C11orf65: variants seen among roughly 807,000 people sequenced by gnomAD.
C11orf65 encodes the protein protein MFI.
Under a neutral mutation model 35.3 loss-of-function variants are expected in C11orf65, and 38 were observed. The ratio of observed to expected loss-of-function variants is 1.08; its 90% CI spans 0.83 to 1.41. The LOEUF (loss-of-function observed/expected upper bound fraction) is 1.41, where lower values mean the gene tolerates loss of function less well. Among genes scored for constraint, C11orf65 ranks in the 40% most tolerant of loss-of-function variants. The pLI is 0.00. For synonymous variants in C11orf65, 105 were observed against 114.4 expected (o/e 0.92, Z 0.53); for missense variants, 370 against 367.1 (o/e 1.01, Z -0.06).
Position 108,382,905 on chromosome 11 carries a change from G to T in C11orf65, c.*116C>A. On this transcript the variant is annotated 3_prime_UTR_variant, in exon 9 of 9. Coordinates refer to ENST00000393084, the MANE Select transcript of C11orf65 (RefSeq NM_152587.5). ...CAATCTTCCTTACTTAACTGAGCTA[G>T]ATTCTGTGCCCAGAATATATACACA... The T allele has an allele frequency of 6.4e-7, 1 of 1,551,362 alleles. No individual in the cohort carries two copies.
At chr11:108,464,080 C>A (rs937404017) in intron 1 of C11orf65, among the ~76,000 whole-genome samples, 1 of 151,670 alleles carries the variant, frequency 6.6e-6, no homozygotes, top group Non-Finnish European at 1.5e-5. Flanking sequence ...GTGTGTGCCA[C>A]CACGCCTGGC....
chr11:108,399,244 G>A lies in C11orf65; in HGVS notation c.561-5866C>T, dbSNP rs1217371846. 3.3e-5 allele frequency among the ~76,000 whole-genome samples: 5 copies of A among 152,068 alleles called. No homozygotes were observed. In the East Asian group the frequency reaches 7.7e-4, roughly 23 times the overall value. ...AGCCCTTTGGAGGGCATTCACATAG[G>A]ACAAAAATATATTTTGTATCCATTA... On this transcript the variant is annotated intron_variant, in intron 6 of 8. Transcript: ENST00000393084.
At position 108,365,324 on chromosome 11, in the gene C11orf65, G is replaced by C. The variant is rs730881386; in HGVS notation, c.226+27884C>G. On this transcript the variant is annotated intron_variant, in intron 2 of 3. Coordinates refer to the C11orf65 transcript ENST00000524755. ...TGAAACCTTTGTGTTTTTGTCCTTA[G>C]TGATATTGACCAGAGTTTCAACAAA... The C allele has an allele frequency of 1.9e-6, 3 of 1,614,048 alleles. No individual in the cohort carries two copies. The highest frequency in any genetic ancestry group is 8.5e-7 in the Non-Finnish European group (1 of 1,180,022).
At chr11:108,336,171 C>G in intron 2 of C11orf65, 1 of 482,776 alleles carries the variant, frequency 2.1e-6, no homozygotes. Flanking sequence ...GAGATGATGG[C>G]ATGTGCTTGT....
At chr11:108,381,346 G>T (rs2091861559), downstream of C11orf65, among the ~76,000 whole-genome samples, 1 of 152,078 alleles carries the variant, frequency 6.6e-6, no homozygotes, top group Non-Finnish European at 1.5e-5. Flanking sequence ...ATCCAGTGAG[G>T]GAATGGTTCC....
At chr11:108,335,651 T>G (rs1279288505) in intron 2 of C11orf65, among the ~76,000 whole-genome samples, 1 of 152,166 alleles carries the variant, frequency 6.6e-6, no homozygotes, top group Non-Finnish European at 1.5e-5. Flanking sequence ...GAGGGGAAAC[T>G]TTCTAAATCA....
intron 2 of C11orf65, among the ~76,000 whole-genome samples, chr11:108,371,820 A>G (rs2091583739): frequency 6.6e-6 from 1 of 152,198 alleles, no homozygotes; most frequent in Non-Finnish European, 1.5e-5. Context: ...GTTTTTCCAC[A>G]GTGGCCGAAC....
At chr11:108,404,470 C>T (rs977350215) in intron 6 of C11orf65, among the ~76,000 whole-genome samples, 2 of 152,170 alleles carry the variant, frequency 1.3e-5, no homozygotes, top group Admixed American at 6.5e-5. Context: ...TGCAGTGGTG[C>T]GATCTCTGCT....
chr11:108,450,769 T>A (rs1405148278), intron 2 of C11orf65, among the ~76,000 whole-genome samples: 1 of 151,450 alleles, frequency 6.6e-6, no homozygotes, highest in Non-Finnish European at 1.5e-5. Context: ...AAACTTAAAG[T>A]ATAATAATAA....
intron 6 of C11orf65, among the ~76,000 whole-genome samples, chr11:108,397,862 A>T (rs1219155545): frequency 2.0e-5 from 3 of 152,222 alleles, no homozygotes; most frequent in African/African-American, 4.8e-5. Flanking sequence ...AATAGAACAG[A>T]GTCTCTGCTC....
chr11:108,314,875 C>T (rs1198752250), intron 6 of C11orf65, among the ~76,000 whole-genome samples: 7 of 152,094 alleles, frequency 4.6e-5, no homozygotes, highest in East Asian at 3.9e-4. Flanking sequence ...TTATCAATAC[C>T]GTAAGTTTAT....
At chr11:108,386,059 A>C in intron 7 of C11orf65, 84 bp from the exon 8 acceptor site, 1 of 1,161,262 alleles carries the variant, frequency 8.6e-7, no homozygotes, top group Non-Finnish European at 1.3e-6. Flanking sequence ...CACTTTTCAG[A>C]AATCTTAGAT....
intron 6 of C11orf65, chr11:108,321,518 C>T (rs746630612): frequency 1.1e-5 from 17 of 1,552,514 alleles, no homozygotes; most frequent in Non-Finnish European, 1.5e-5. Context: ...CACGGTGGCT[C>T]ATGCCTGTAA....
intron 2 of C11orf65, among the ~76,000 whole-genome samples, chr11:108,373,489 T>C (rs1377516086): frequency 6.6e-6 from 1 of 152,148 alleles, no homozygotes; most frequent in Non-Finnish European, 1.5e-5. Flanking sequence ...CATGCAGTAA[T>C]GTAAATAGAA....
chr11:108,355,097 T>C (rs2137368315), intron 2 of C11orf65: 3 of 554,764 alleles, frequency 5.4e-6, no homozygotes, highest in East Asian at 3.0e-5. Flanking sequence ...TGTTAGAGCA[T>C]TGTAAGTAGT....
chr11:108,445,575 G>T (rs538114509), intron 2 of C11orf65, among the ~76,000 whole-genome samples: 1 of 152,160 alleles, frequency 6.6e-6, no homozygotes, highest in Admixed American at 6.5e-5. Context: ...TCTGTCAGAA[G>T]GAAAACTAAC....
intron 6 of C11orf65, among the ~76,000 whole-genome samples, chr11:108,403,141 T>C (rs991654234): frequency 6.6e-6 from 1 of 152,208 alleles, no homozygotes; most frequent in Non-Finnish European, 1.5e-5. Context: ...TGTGTTTACT[T>C]GTTTAAAAAA....
rs71047689 is a variant in C11orf65, at chr11:108,354,070, AACACACACACACAC to A, written c.227-18792_227-18779del. ...GTATCTAAAAAAATACACACACACA[AACACACACACACAC>A]ACACACACACACACACACACACGGG... On this transcript the variant is annotated intron_variant, in intron 2 of 3. Coordinates refer to the C11orf65 transcript ENST00000524755. Among the ~76,000 whole-genome samples the A allele has an allele frequency of 2.3e-3, 268 of 114,946 alleles. 2 individuals are homozygous for A. Among genetic ancestry groups the A allele is most frequent in the African/African-American group, 7.6e-3 (258 of 33,844 alleles). 75.4% of individuals were successfully genotyped at this position (114,946 alleles called of 152,430 possible).
chr11:108,369,686 T>G (rs1173714194), intron 2 of C11orf65, among the ~76,000 whole-genome samples: 1 of 152,206 alleles, frequency 6.6e-6, no homozygotes, highest in Non-Finnish European at 1.5e-5. Context: ...CACAGTTTTA[T>G]GTACAACAGT....
Sources: gnomAD v4.1 joint callset for allele counts (sites outside exome capture counted in the v4.1 genomes callset) on GRCh38, gnomAD v4.1.1 for gene constraint, MANE v1.5 for transcripts, NCBI Gene and HGNC (gene_info 2026-07-23, HGNC 2026-07-21) for gene names.